MACROD2: variants seen among roughly 807,000 people sequenced by gnomAD.
MACROD2 encodes the protein mono-ADP ribosylhydrolase 2, also known as ADP-ribose glycohydrolase MACROD2.
Under a neutral mutation model 70.4 loss-of-function variants are expected in MACROD2, and 36 were observed. The ratio of observed to expected loss-of-function variants is 0.51; its 90% CI spans 0.39 to 0.68. The LOEUF is 0.68. Ranked by LOEUF, MACROD2 falls within the 30% of genes least tolerant of loss-of-function variation. The probability of loss-of-function intolerance (pLI) is 0.00; values close to 1 mark genes in which losing one functional copy is unlikely to be tolerated. For synonymous variants in MACROD2, 172 were observed against 178.8 expected (o/e 0.96, Z 0.30); for missense variants, 496 against 538.4 (o/e 0.92, Z 0.78).
chr20:15,885,476 C>A (rs2064810287), intron 9 of MACROD2, among the ~76,000 whole-genome samples: 1 of 152,016 alleles, frequency 6.6e-6, no homozygotes, highest in Non-Finnish European at 1.5e-5. Flanking sequence ...ACTGAAGTGA[C>A]CATATATAAT....
intron 4 of MACROD2, among the ~76,000 whole-genome samples, chr20:14,536,112 C>T (rs1243685299): frequency 2.6e-5 from 4 of 152,066 alleles, no homozygotes; most frequent in Non-Finnish European, 5.9e-5. Flanking sequence ...GAGAAATTAC[C>T]TACAGTATCA....
In MACROD2 at chr20:15,415,307, C is replaced by T. The variant is rs569003857; in HGVS notation, c.541-16098C>T. 1.4e-4 allele frequency among the ~76,000 whole-genome samples: 21 copies of T among 152,312 alleles called. No individual in the cohort carries two copies. In the South Asian group the frequency reaches 4.3e-3, roughly 32 times the overall value. ...AGTTCTTTGGAGCTTGTGGGAAATA[C>T]ATCTCTAGTGAAGAAGTCTTGTCTA... On this transcript the variant is annotated intron_variant, in intron 6 of 17. Coordinates refer to ENST00000684519, the MANE Select transcript of MACROD2 (RefSeq NM_001351661.2).
At chr20:14,725,592 T>C (rs1191027665) in intron 5 of MACROD2, among the ~76,000 whole-genome samples, 1 of 152,056 alleles carries the variant, frequency 6.6e-6, no homozygotes, top group East Asian at 1.9e-4. Flanking sequence ...TGAGAGATGG[T>C]CCCTGGAAGT....
chr20:14,908,665 G>GAA (rs112862531), intron 5 of MACROD2, among the ~76,000 whole-genome samples: 1 of 143,364 alleles, frequency 7.0e-6, no homozygotes, highest in Non-Finnish European at 1.5e-5. Flanking sequence ...CTGTCTGCCA[G>GAA]AAAAAAAAAA....
At chr20:15,653,519 C>G (rs1474873681) in intron 8 of MACROD2, among the ~76,000 whole-genome samples, 2 of 152,204 alleles carry the variant, frequency 1.3e-5, no homozygotes, top group East Asian at 3.9e-4. Flanking sequence ...CTGGATTCCA[C>G]CATTCCAACA....
intron 8 of MACROD2, among the ~76,000 whole-genome samples, chr20:15,522,128 A>G (rs1191201605): frequency 6.6e-6 from 1 of 152,184 alleles, no homozygotes; most frequent in Non-Finnish European, 1.5e-5. Flanking sequence ...GAGGTAATCA[A>G]GGTGCTTGGG....
chr20:15,357,798 C>CTT (rs200860242), intron 6 of MACROD2, among the ~76,000 whole-genome samples: 20 of 135,704 alleles, frequency 1.5e-4, no homozygotes, highest in South Asian at 9.2e-4. Flanking sequence ...TTCATTCATT[C>CTT]TTTTTTTTTT....
At chr20:15,855,455 C>A (rs2064346206) in intron 8 of MACROD2, among the ~76,000 whole-genome samples, 1 of 152,098 alleles carries the variant, frequency 6.6e-6, no homozygotes, top group Non-Finnish European at 1.5e-5. Flanking sequence ...CTTTTTTCAA[C>A]CCTGAGGTCA....
chr20:14,838,106 G>A (rs189343145), intron 5 of MACROD2, among the ~76,000 whole-genome samples: 1 of 152,144 alleles, frequency 6.6e-6, no homozygotes, highest in East Asian at 1.9e-4. Flanking sequence ...TGAATTTGTT[G>A]TAAGGCAAAT....
At chr20:14,512,567 CT>C (rs1214397559) in intron 4 of MACROD2, among the ~76,000 whole-genome samples, 4 of 152,116 alleles carry the variant, frequency 2.6e-5, no homozygotes, top group African/African-American at 4.8e-5. Flanking sequence ...TGAGACCTCG[CT>C]GCCCAGAAGA....
chr20:14,731,069 A>C (rs1238738870), intron 5 of MACROD2, among the ~76,000 whole-genome samples: 1 of 152,038 alleles, frequency 6.6e-6, no homozygotes, highest in African/African-American at 2.4e-5. Context: ...TGTCTTCTGT[A>C]ATTTCAGGAA....
intron 8 of MACROD2, among the ~76,000 whole-genome samples, chr20:15,832,443 G>C (rs1292108993): frequency 6.6e-6 from 1 of 152,174 alleles, no homozygotes; most frequent in Non-Finnish European, 1.5e-5. Context: ...AGGGGGTGGT[G>C]CTGTCACCTG....
intron 10 of MACROD2, among the ~76,000 whole-genome samples, chr20:15,899,995 A>G (rs755227496): frequency 2.0e-5 from 3 of 152,152 alleles, no homozygotes; most frequent in Non-Finnish European, 4.4e-5. Flanking sequence ...CGAGAGGCAG[A>G]ATTTTCTCTC....
At chr20:15,376,453 G>T (rs138297366) in intron 6 of MACROD2, among the ~76,000 whole-genome samples, 1 of 152,182 alleles carries the variant, frequency 6.6e-6, no homozygotes, top group African/African-American at 2.4e-5. Flanking sequence ...TGTATTTACC[G>T]CTGGAAAATA....
At chr20:14,397,912 C>T (rs2083597477) in intron 3 of MACROD2, among the ~76,000 whole-genome samples, 1 of 151,974 alleles carries the variant, frequency 6.6e-6, no homozygotes, top group South Asian at 2.1e-4. Flanking sequence ...CCTCTAGTAA[C>T]CATAATTCTA....
At chr20:16,045,038 A>G (rs1372285095) in intron 17 of MACROD2, among the ~76,000 whole-genome samples, 1 of 152,144 alleles carries the variant, frequency 6.6e-6, no homozygotes, top group Non-Finnish European at 1.5e-5. Context: ...CATAACACTC[A>G]ATCTTTGCCC....
At chr20:14,637,358 A>G (rs1325972011) in intron 4 of MACROD2, among the ~76,000 whole-genome samples, 5 of 152,330 alleles carry the variant, frequency 3.3e-5, no homozygotes, top group Middle Eastern at 3.4e-3. Context: ...CCAGTTAACC[A>G]TTAAAGATAT....
At chr20:15,655,285 A>G (rs956530010) in intron 8 of MACROD2, among the ~76,000 whole-genome samples, 2 of 150,570 alleles carry the variant, frequency 1.3e-5, no homozygotes, top group African/African-American at 4.9e-5. Flanking sequence ...AGAGATGTTT[A>G]GGCATTTTAT....
At chr20:14,689,623 A>G (rs932481662) in intron 5 of MACROD2, among the ~76,000 whole-genome samples, 2 of 152,164 alleles carry the variant, frequency 1.3e-5, no homozygotes, top group African/African-American at 4.8e-5. Flanking sequence ...TATCTGAGCT[A>G]TCTAGAAAGC....
Sources: gnomAD v4.1 joint callset for allele counts (sites outside exome capture counted in the v4.1 genomes callset) on GRCh38, gnomAD v4.1.1 for gene constraint, MANE v1.5 for transcripts, NCBI Gene and HGNC (gene_info 2026-07-23, HGNC 2026-07-21) for gene names.